Variants in PIEZO2 observed in about 807,000 individuals in gnomAD.
PIEZO2 encodes piezo-type mechanosensitive ion channel component 2.
In PIEZO2, 172 loss-of-function variants were observed where a neutral mutation model predicts 337.3. That is an observed-to-expected ratio of 0.51 (90% CI 0.45 to 0.58). The LOEUF (loss-of-function observed/expected upper bound fraction) is 0.58. Among genes scored for constraint, PIEZO2 ranks in the 20% least tolerant of loss-of-function variants. PIEZO2 has a pLI of 0.00. For synonymous variants in PIEZO2, 1,251 were observed against 1,228.5 expected (o/e 1.02, Z -0.38); for missense variants, 3,028 against 3,391.3 (o/e 0.89, Z 2.66).
chr18:11,149,542 C>G lies in PIEZO2; in HGVS notation c.-954G>C, dbSNP rs979621423. Among the ~76,000 whole-genome samples, 1 of 151,770 alleles carries G rather than the reference C, an allele frequency of 6.6e-6. No homozygotes were observed. The highest frequency in any genetic ancestry group is 1.5e-5 in the Non-Finnish European group (1 of 67,894). On this transcript the variant is annotated 5_prime_UTR_variant, in exon 1 of 56. Transcript: ENST00000674853. The surrounding 1 kb of genome is among the most constrained non-coding windows in gnomAD (Gnocchi z 8.7). ...CCCTCGCGGCGCAGCCGGGGCTCCC[C>G]GGCGGCGCGCGCTTCTCCACCTTCA...
intron 5 of PIEZO2, among the ~76,000 whole-genome samples, chr18:10,865,910 TG>T (rs1236656969): frequency 6.6e-6 from 1 of 152,102 alleles, no homozygotes; most frequent in African/African-American, 2.4e-5. Context: ...AAGTTTCCCA[TG>T]GGGTATTTGT....
chr18:11,141,937 A>G (rs572424039), intron 1 of PIEZO2, among the ~76,000 whole-genome samples: 3 of 152,332 alleles, frequency 2.0e-5, no homozygotes, highest in Admixed American at 6.5e-5. Flanking sequence ...CTAACCTCAT[A>G]GATAGACCAA....
chr18:10,681,010 T>A (rs918812509), intron 51 of PIEZO2, among the ~76,000 whole-genome samples: 2 of 152,220 alleles, frequency 1.3e-5, no homozygotes, highest in Non-Finnish European at 2.9e-5. Flanking sequence ...TATTTCTTAT[T>A]TTTTGTAATT....
At chr18:10,705,059 C>CTTCCTATG (rs2035517658) in intron 41 of PIEZO2, among the ~76,000 whole-genome samples, 1 of 152,106 alleles carries the variant, frequency 6.6e-6, no homozygotes, top group East Asian at 1.9e-4. Flanking sequence ...GTGTTCCCGG[C>CTTCCTATG]TTCCTGTTTT....
At chr18:10,838,478 C>T (rs2041089604) in intron 7 of PIEZO2, among the ~76,000 whole-genome samples, 1 of 152,212 alleles carries the variant, frequency 6.6e-6, no homozygotes, top group Non-Finnish European at 1.5e-5. Flanking sequence ...CATGTCTTAA[C>T]TATTTGCCAA....
intron 2 of PIEZO2, among the ~76,000 whole-genome samples, chr18:11,044,020 T>C (rs1016927367): frequency 1.2e-4 from 18 of 152,086 alleles, no homozygotes; most frequent in South Asian, 4.2e-4. Context: ...ATCTTATCAG[T>C]ATGTTAGTAC....
chr18:11,060,653 C>G (rs1714687689), intron 2 of PIEZO2, among the ~76,000 whole-genome samples: 1 of 152,192 alleles, frequency 6.6e-6, no homozygotes, highest in African/African-American at 2.4e-5. Flanking sequence ...ACTAGAAAAT[C>G]TAGAAGAAAA....
At chr18:10,702,739 T>A (rs1203529585) in intron 42 of PIEZO2, among the ~76,000 whole-genome samples, 1 of 152,252 alleles carries the variant, frequency 6.6e-6, no homozygotes, top group Non-Finnish European at 1.5e-5. Context: ...GGTTCTTGGT[T>A]TCTGACACGG....
At chr18:11,005,211 T>A (rs147103746) in intron 2 of PIEZO2, among the ~76,000 whole-genome samples, 2 of 152,324 alleles carry the variant, frequency 1.3e-5, no homozygotes, top group African/African-American at 2.4e-5. Context: ...TCAGGCTTCT[T>A]CCCTGTGGAG....
At chr18:11,051,984 C>T (rs564058001) in intron 2 of PIEZO2, among the ~76,000 whole-genome samples, 5 of 152,326 alleles carry the variant, frequency 3.3e-5, no homozygotes, top group African/African-American at 1.2e-4. Flanking sequence ...CTCACTGAGG[C>T]AGTTTCAATT....
intron 8 of PIEZO2, 113 bp from the exon 9 acceptor site, chr18:10,804,107 A>C (rs2039917390): frequency 8.0e-7 from 1 of 1,247,106 alleles, no homozygotes; most frequent in African/African-American, 1.5e-5. Flanking sequence ...TTCAAAGTGA[A>C]TGTTTACAAT....
At position 10,704,563 on chromosome 18, in the gene PIEZO2, G is replaced by T. The variant is rs1280736752; in HGVS notation, c.6089C>A (p.Thr2030Asn). The T allele has an allele frequency of 6.5e-6, 10 of 1,537,260 alleles. No individual in the cohort carries two copies. Among genetic ancestry groups the T allele is most frequent in the Non-Finnish European group, 7.8e-6 (9 of 1,146,918 alleles). ...CACCATCTCCGAGCGGGCCACCAGG[G>T]TATTGTACATGGCATAGAAGAGCAG... ...FLLLFYAMYNTLVARSEMVCY... is the reference protein window; with the variant it reads ...FLLLFYAMYNNLVARSEMVCY... The change falls in exon 42 of 56, where the codon ACC becomes AAC. Residue 2030 changes from threonine (T) to asparagine (N), a missense_variant. Around this residue, in one of 5 missense-constraint regions of PIEZO2, gnomAD observed 1,925 missense variants for 2,051.9 expected, o/e 0.94. Coordinates refer to ENST00000674853, the MANE Select transcript of PIEZO2 (RefSeq NM_001378183.1).
At chr18:11,055,794 G>A (rs773117862) in intron 2 of PIEZO2, among the ~76,000 whole-genome samples, 15 of 152,280 alleles carry the variant, frequency 9.9e-5, no homozygotes, top group South Asian at 8.3e-4. Flanking sequence ...CCTCTGAGCC[G>A]CGCTGGGCCT....
chr18:10,694,981 G>C (rs538854259), intron 47 of PIEZO2, among the ~76,000 whole-genome samples: 3 of 152,338 alleles, frequency 2.0e-5, no homozygotes, highest in African/African-American at 7.2e-5. Flanking sequence ...CAGTGACGAA[G>C]AGTTATAGTT....
At chr18:11,133,635 A>G (rs938131212) in intron 1 of PIEZO2, among the ~76,000 whole-genome samples, 1 of 152,122 alleles carries the variant, frequency 6.6e-6, no homozygotes, top group Non-Finnish European at 1.5e-5. Flanking sequence ...TTCCCAGTCT[A>G]TATCTTTGTC....
rs1368378782 is a variant in PIEZO2, at chr18:10,672,920, A to T, written c.8162-47T>A. 2 of 1,487,374 alleles carry T rather than the reference A, an allele frequency of 1.3e-6. No homozygotes were observed. The highest frequency in any genetic ancestry group is 1.8e-6 in the Non-Finnish European group (2 of 1,083,712). The allele number at this position is 1,487,374 out of a possible 1,614,324, so 92.1% of individuals were successfully genotyped here. On this transcript the variant is annotated intron_variant, in intron 54 of 55. Transcript: ENST00000674853. The surrounding 1 kb of genome is among the most constrained non-coding windows in gnomAD (Gnocchi z 4.7). ...ATTAAGTTGACATGAGAATTTTAGGATTTCATGCACAGCAACAGTTTTCAG... is the reference window on the plus strand; with the variant it reads ...ATTAAGTTGACATGAGAATTTTAGGTTTTCATGCACAGCAACAGTTTTCAG...
At chr18:10,836,063 AAC>A (rs1568114358) in intron 7 of PIEZO2, among the ~76,000 whole-genome samples, 1 of 152,308 alleles carries the variant, frequency 6.6e-6, no homozygotes, top group African/African-American at 2.4e-5. Flanking sequence ...TGACTTTATG[AAC>A]AGTTTGTGAT....
intron 36 of PIEZO2, among the ~76,000 whole-genome samples, chr18:10,719,470 TCA>T (rs776542663): frequency 7.9e-5 from 12 of 152,214 alleles, no homozygotes; most frequent in Admixed American, 1.3e-4. Flanking sequence ...CTTTCTGCAT[TCA>T]GTTAGGATAA....
intron 49 of PIEZO2, among the ~76,000 whole-genome samples, chr18:10,688,130 A>G (rs773304211): frequency 5.3e-5 from 8 of 151,820 alleles, no homozygotes; most frequent in South Asian, 2.1e-4. Flanking sequence ...TGCGTTAGGT[A>G]TTTGTCCTAA....
Sources: gnomAD v4.1 joint callset for allele counts (sites outside exome capture counted in the v4.1 genomes callset) on GRCh38, gnomAD v4.1.1 for gene constraint, gnomAD v4.1.1 regional missense constraint, Gnocchi (gnomAD v3.1) non-coding constraint, MANE v1.5 for transcripts, NCBI Gene and HGNC (gene_info 2026-07-23, HGNC 2026-07-21) for gene names.